Variants in SLC15A5 observed in about 807,000 individuals in gnomAD.
The protein encoded by SLC15A5 is solute carrier family 15 member 5, also known as Peptide/histidine transporter ENSP00000340402.
Under a neutral mutation model 56.1 loss-of-function variants are expected in SLC15A5, and 58 were observed. That is an observed-to-expected ratio of 1.03 (90% CI 0.84 to 1.29). The LOEUF (loss-of-function observed/expected upper bound fraction) is 1.29. Among genes scored for constraint, SLC15A5 ranks in the 50% most tolerant of loss-of-function variants. The pLI, the probability that SLC15A5 is intolerant of heterozygous loss-of-function variation, is 0.00. For missense variants in SLC15A5, 681 were observed against 672.1 expected, an observed-to-expected ratio of 1.01 and a Z score of -0.15; for synonymous variants, 264 against 250.5, an observed-to-expected ratio of 1.05 and a Z score of -0.51.
chr12:16,272,358 G>T, intron 2 of SLC15A5, among the ~76,000 whole-genome samples: 1 of 152,036 alleles, frequency 6.6e-6, no homozygotes, highest in South Asian at 2.1e-4. Context: ...GCGTGTGTTG[G>T]GAAGGTGCTG....
chr12:16,192,728 A>G (rs1863848940), intron 8 of SLC15A5, among the ~76,000 whole-genome samples: 1 of 152,096 alleles, frequency 6.6e-6, no homozygotes, highest in Non-Finnish European at 1.5e-5. Context: ...GACTGCGGTC[A>G]TCTTGGCCAC....
chr12:16,229,311 G>C (rs1864272155), intron 5 of SLC15A5, among the ~76,000 whole-genome samples: 1 of 152,244 alleles, frequency 6.6e-6, no homozygotes, highest in South Asian at 2.1e-4. Flanking sequence ...CCAGGTTTCA[G>C]CCACAGTAAT....
intron 6 of SLC15A5, among the ~76,000 whole-genome samples, chr12:16,223,161 A>C (rs1000884793): frequency 6.6e-6 from 1 of 152,160 alleles, no homozygotes; most frequent in Non-Finnish European, 1.5e-5. Context: ...ATTTATTTTA[A>C]GGAGTTTGGA....
intron 7 of SLC15A5, among the ~76,000 whole-genome samples, chr12:16,198,937 G>T (rs531253351): frequency 6.6e-6 from 1 of 151,986 alleles, no homozygotes; most frequent in Non-Finnish European, 1.5e-5. Flanking sequence ...GGCCCCAAAG[G>T]TCTAACCACA....
chr12:16,204,726 G>A (rs941991235), intron 7 of SLC15A5, among the ~76,000 whole-genome samples: 1 of 151,974 alleles, frequency 6.6e-6, no homozygotes, highest in Non-Finnish European at 1.5e-5. Context: ...TTCACTTACT[G>A]TATGGTTGTG....
intron 7 of SLC15A5, among the ~76,000 whole-genome samples, chr12:16,212,230 A>G (rs1178049705): frequency 1.3e-5 from 2 of 152,146 alleles, no homozygotes; most frequent in Non-Finnish European, 2.9e-5. Flanking sequence ...TTATATTTAA[A>G]AATAATCTCT....
intron 7 of SLC15A5, among the ~76,000 whole-genome samples, chr12:16,215,948 G>A (rs1017174399): frequency 9.9e-5 from 15 of 152,110 alleles, no homozygotes; most frequent in African/African-American, 3.6e-4. Context: ...AATAGAATGG[G>A]TCCTTGATAA....
chr12:16,236,277 A>C (rs1157416750), intron 5 of SLC15A5, among the ~76,000 whole-genome samples: 3 of 152,226 alleles, frequency 2.0e-5, no homozygotes, highest in Non-Finnish European at 4.4e-5. Flanking sequence ...TTATGATAGA[A>C]GATAAATTAC....
intron 8 of SLC15A5, among the ~76,000 whole-genome samples, chr12:16,193,780 G>GGAGA (rs766458422): frequency 1.3e-4 from 10 of 75,758 alleles, no homozygotes; most frequent in African/African-American, 3.1e-4. Context: ...TATGTCAAGG[G>GGAGA]GAGAGAGAGA....
At chr12:16,239,031 G>C (rs1591651788) in intron 5 of SLC15A5, among the ~76,000 whole-genome samples, 1 of 152,264 alleles carries the variant, frequency 6.6e-6, no homozygotes, top group South Asian at 2.1e-4. Flanking sequence ...AAAGTCACCA[G>C]GAGCAGTTCA....
At chr12:16,259,747 G>A (rs1003859795) in intron 2 of SLC15A5, among the ~76,000 whole-genome samples, 1 of 152,186 alleles carries the variant, frequency 6.6e-6, no homozygotes, top group Non-Finnish European at 1.5e-5. Context: ...TCACACAGGA[G>A]AGTATGACAA....
chr12:16,260,483 C>CTT (rs1315900573), intron 2 of SLC15A5, among the ~76,000 whole-genome samples: 3 of 142,244 alleles, frequency 2.1e-5, no homozygotes, highest in Non-Finnish European at 3.1e-5. Context: ...TGGAAATCCT[C>CTT]TTTTTTTTTT....
At chr12:16,205,624 T>C (rs138130499) in intron 7 of SLC15A5, among the ~76,000 whole-genome samples, 15 of 117,574 alleles carry the variant, frequency 1.3e-4, no homozygotes, top group African/African-American at 3.7e-4. Flanking sequence ...TATATACACA[T>C]ATATATATAC....
chr12:16,250,215 T>C (rs1864506387), intron 3 of SLC15A5, among the ~76,000 whole-genome samples: 2 of 152,030 alleles, frequency 1.3e-5, no homozygotes, highest in Non-Finnish European at 2.9e-5. Context: ...CAAACACTGA[T>C]TGAACACTTA....
At chr12:16,226,124 T>C (rs1864239055) in intron 5 of SLC15A5, among the ~76,000 whole-genome samples, 1 of 152,226 alleles carries the variant, frequency 6.6e-6, no homozygotes, top group African/African-American at 2.4e-5. Context: ...AAGTGTATTA[T>C]GTAAAACGGC....
At chr12:16,195,645 T>C (rs1863887288) in intron 7 of SLC15A5, among the ~76,000 whole-genome samples, 2 of 152,226 alleles carry the variant, frequency 1.3e-5, no homozygotes, top group South Asian at 4.1e-4. Context: ...GCAATCAGTC[T>C]GTTGACCCAA....
chr12:16,192,054 T>G (rs1344734056), intron 8 of SLC15A5, among the ~76,000 whole-genome samples: 1 of 152,018 alleles, frequency 6.6e-6, no homozygotes, highest in East Asian at 1.9e-4. Flanking sequence ...AGAGACAAAT[T>G]TGGGGTTGAA....
chr12:16,245,190 T>TC (rs1236633616), intron 3 of SLC15A5, among the ~76,000 whole-genome samples: 1 of 152,244 alleles, frequency 6.6e-6, no homozygotes, highest in Non-Finnish European at 1.5e-5. Context: ...TACTATTTTT[T>TC]CATATAAATT....
Position 16,210,867 on chromosome 12 carries a change from C to T in SLC15A5, c.1483+6026G>A, listed in dbSNP as rs1047744513. On this transcript the variant is annotated intron_variant, in intron 7 of 8. Coordinates refer to ENST00000344941, the MANE Select transcript of SLC15A5 (RefSeq NM_001170798.1). Reference sequence around the variant, plus strand: ...GTCCTCTGTGCAGCATCAGGGGTTTCTGTGGAGTAAAAGGTTAATGATATA... The same window carrying T: ...GTCCTCTGTGCAGCATCAGGGGTTTTTGTGGAGTAAAAGGTTAATGATATA... 3.5e-4 allele frequency among the ~76,000 whole-genome samples: 53 copies of T among 152,294 alleles called. 1 individual carries two copies. Among genetic ancestry groups the T allele is most frequent in the African/African-American group, 1.1e-3 (47 of 41,558 alleles).
Sources: gnomAD v4.1 joint callset for allele counts (sites outside exome capture counted in the v4.1 genomes callset) on GRCh38, gnomAD v4.1.1 for gene constraint, MANE v1.5 for transcripts, NCBI Gene and HGNC (gene_info 2026-07-23, HGNC 2026-07-21) for gene names.